Variants in PTPN21 observed in about 807,000 individuals in gnomAD.
The protein encoded by PTPN21 is protein tyrosine phosphatase non-receptor type 21.
Under a neutral mutation model 131.8 loss-of-function variants are expected in PTPN21, and 77 were observed. That is an observed-to-expected ratio of 0.58 (90% confidence interval 0.49 to 0.71). The LOEUF is 0.71. PTPN21 is among the 30% of genes least tolerant of loss of function. The pLI, the probability that PTPN21 is intolerant of heterozygous loss-of-function variation, is 0.00. For missense variants in PTPN21, 1,552 were observed against 1,527.1 expected (o/e 1.02, Z -0.27); for synonymous variants, 715 against 621.3 (o/e 1.15, Z -2.24).
chr14:88,521,266 A>C (rs918303538), intron 2 of PTPN21, among the ~76,000 whole-genome samples: 12 of 152,212 alleles, frequency 7.9e-5, no homozygotes, highest in African/African-American at 2.9e-4. Flanking sequence ...TGATTACAAC[A>C]AAATACATTT....
chr14:88,480,468 G>A (rs2077637436), intron 12 of PTPN21, 116 bp from the exon 13 acceptor site: 2 of 853,314 alleles, frequency 2.3e-6, no homozygotes, highest in Non-Finnish European at 1.8e-6. Flanking sequence ...AAAAATCCCC[G>A]CTAGAATGAC....
intron 2 of PTPN21, chr14:88,547,615 T>C: frequency 2.2e-6 from 1 of 454,418 alleles, no homozygotes; most frequent in South Asian, 1.6e-5. Flanking sequence ...ACGGTGCCAC[T>C]GTACTCCAGC....
chr14:88,528,795 T>A (rs1278406136), intron 2 of PTPN21, among the ~76,000 whole-genome samples: 1 of 152,240 alleles, frequency 6.6e-6, no homozygotes, highest in Non-Finnish European at 1.5e-5. Flanking sequence ...TTTTGTAAGT[T>A]GCCCAGTCTC....
chr14:88,517,600 G>T (rs1390583877), intron 2 of PTPN21, among the ~76,000 whole-genome samples: 1 of 140,796 alleles, frequency 7.1e-6, no homozygotes. Context: ...AAATACAGAA[G>T]AATTTATCCT....
chr14:88,488,648 AAATAAAAATTAAAAAGGCTGAGC>A (rs1488993575), intron 10 of PTPN21, among the ~76,000 whole-genome samples: 19 of 152,146 alleles, frequency 1.2e-4, no homozygotes, highest in African/African-American at 4.6e-4. Flanking sequence ...AAAGAAGACA[AAATAAAAATTAAAAAGGCTGAGC>A]CAGGCGTGGT....
chr14:88,472,077 T>C (rs560392485), intron 15 of PTPN21, among the ~76,000 whole-genome samples, 167 bp downstream of exon 15: 1 of 152,350 alleles, frequency 6.6e-6, no homozygotes, highest in Admixed American at 6.5e-5. Context: ...CAGCTTGCAG[T>C]ACAGTTTGTC....
At chr14:88,536,168 T>A (rs1286189990) in intron 2 of PTPN21, among the ~76,000 whole-genome samples, 7 of 152,226 alleles carry the variant, frequency 4.6e-5, no homozygotes, top group Non-Finnish European at 1.0e-4. Context: ...AGATCAATTC[T>A]CAATAGTCAC....
intron 2 of PTPN21, among the ~76,000 whole-genome samples, chr14:88,533,874 TAAAAA>T (rs1231968129): frequency 6.6e-6 from 1 of 151,110 alleles, no homozygotes; most frequent in Non-Finnish European, 1.5e-5. Flanking sequence ...CTCTTTCAAA[TAAAAA>T]AAACAGTGAA....
At chr14:88,497,471 T>TA (rs1202731863) in intron 8 of PTPN21, among the ~76,000 whole-genome samples, 181 bp from the exon 9 acceptor site, 1 of 152,030 alleles carries the variant, frequency 6.6e-6, no homozygotes, top group Admixed American at 6.6e-5. Flanking sequence ...CTGTCTCTAT[T>TA]AAAAATACAA....
chr14:88,550,419 T>A lies in PTPN21; in HGVS notation c.-2A>T. 1 of 1,612,906 alleles carries A rather than the reference T, an allele frequency of 6.2e-7. No homozygotes were observed. The highest frequency in any genetic ancestry group is 8.5e-7 in the Non-Finnish European group (1 of 1,179,202). ...TTTCAACCCAAATGGCAGTGGCATCTTCTTCTTTCTTCAAGAATGGAGGAG... is the reference window on the plus strand; with the variant it reads ...TTTCAACCCAAATGGCAGTGGCATCATCTTCTTTCTTCAAGAATGGAGGAG... On this transcript the variant is annotated 5_prime_UTR_variant, in exon 2 of 19. It adds an upstream start codon to the 5' untranslated region. Coordinates refer to ENST00000556564, the MANE Select transcript of PTPN21 (RefSeq NM_007039.4).
chr14:88,499,922 G>A (rs754124363), intron 8 of PTPN21, among the ~76,000 whole-genome samples: 5 of 152,114 alleles, frequency 3.3e-5, no homozygotes, highest in African/African-American at 4.8e-5. Context: ...AAAATCACCT[G>A]TACTTTCATT....
At chr14:88,546,534 C>T (rs999417166) in intron 2 of PTPN21, among the ~76,000 whole-genome samples, 1 of 149,514 alleles carries the variant, frequency 6.7e-6, no homozygotes, top group African/African-American at 2.5e-5. Flanking sequence ...CGAGATCGCG[C>T]CATTGTACTC....
chr14:88,479,477 G>A lies in PTPN21; in HGVS notation c.1954C>T (p.Leu652Phe), dbSNP rs1451585524. Residue 652 changes from leucine (L) to phenylalanine (F), a missense_variant, in exon 13 of 19, where the codon CTC (leucine) becomes TTC (phenylalanine). By Grantham distance (22) the Leu-to-Phe change is conservative. Coordinates refer to ENST00000556564, the MANE Select transcript of PTPN21 (RefSeq NM_007039.4). ...GACGCGGATAGGGTGCGCTCCTTGA[G>A]CCGCAGGCCCTCCAGGCCGTGGCTG... is the stretch of plus-strand genomic sequence containing the variant. Reference protein sequence around the residue: ...GLSHGLEGLRLKERTLSASAA... With the variant: ...GLSHGLEGLRFKERTLSASAA... The A allele has an allele frequency of 6.2e-7, 1 of 1,602,172 alleles. No individual in the cohort carries two copies. The highest frequency in any genetic ancestry group is 1.1e-5 in the South Asian group (1 of 91,002).
chr14:88,486,114 T>C (rs1441935347), intron 10 of PTPN21, among the ~76,000 whole-genome samples: 1 of 152,144 alleles, frequency 6.6e-6, no homozygotes, highest in Non-Finnish European at 1.5e-5. Context: ...CAGAGCATAC[T>C]TCCCAGGCCC....
chr14:88,485,663 G>A (rs2077720921), intron 11 of PTPN21, 119 bp downstream of exon 11: 2 of 636,258 alleles, frequency 3.1e-6, no homozygotes, highest in South Asian at 5.8e-5. Flanking sequence ...GGTTAAAAAT[G>A]ATGAAATATC....
chr14:88,498,232 TGC>T (rs2077954566), intron 8 of PTPN21, among the ~76,000 whole-genome samples: 1 of 151,472 alleles, frequency 6.6e-6, no homozygotes, highest in Non-Finnish European at 1.5e-5. Flanking sequence ...ACCAAGATTG[TGC>T]CACTGCATGC....
intron 2 of PTPN21, among the ~76,000 whole-genome samples, chr14:88,517,912 G>GTA (rs900375360): frequency 1.9e-4 from 27 of 145,390 alleles, no homozygotes; most frequent in South Asian, 6.5e-4. Flanking sequence ...ATATACACCT[G>GTA]TATATATATA....
intron 2 of PTPN21, among the ~76,000 whole-genome samples, chr14:88,533,119 T>G (rs1183504410): frequency 1.3e-5 from 2 of 152,186 alleles, no homozygotes; most frequent in Non-Finnish European, 2.9e-5. Flanking sequence ...TATATAAAGC[T>G]TTACAGTACT....
chr14:88,491,183 T>G (rs1208168986), intron 10 of PTPN21, among the ~76,000 whole-genome samples: 1 of 152,230 alleles, frequency 6.6e-6, no homozygotes, highest in Non-Finnish European at 1.5e-5. Context: ...ACGATCATTC[T>G]GTTATCTAAT....
Sources: allele counts gnomAD v4.1 joint callset (sites outside exome capture counted in the v4.1 genomes callset), GRCh38; gene constraint gnomAD v4.1.1; transcripts MANE v1.5; gene names NCBI Gene and HGNC (gene_info 2026-07-23, HGNC 2026-07-21).